Variants in TRPM8 observed in about 807,000 individuals in gnomAD.
The protein encoded by TRPM8 is transient receptor potential cation channel subfamily M member 8.
A neutral mutation model predicts 133.7 loss-of-function variants in TRPM8; 110 were observed. The ratio of observed to expected loss-of-function variants is 0.82; its 90% confidence interval spans 0.70 to 0.96. The LOEUF is 0.96. Among genes scored for constraint, TRPM8 ranks in the 40% least tolerant of loss-of-function variants. The pLI is 0.00. For synonymous variants in TRPM8, 535 were observed against 532.3 expected, an observed-to-expected ratio of 1.01 and a Z score of -0.07; for missense variants, 1,291 against 1,379.5, an observed-to-expected ratio of 0.94 and a Z score of 1.02.
At chr2:233,938,924 T>G in intron 4 of TRPM8, 74 bp from the exon 5 acceptor site, 1 of 1,510,834 alleles carries the variant, frequency 6.6e-7, no homozygotes, top group Non-Finnish European at 9.0e-7. Context: ...GGCTTGGAAG[T>G]TGGGAGGGAA....
At position 233,934,052 on chromosome 2, in the gene TRPM8, A is replaced by G. The variant is rs879851689; in HGVS notation, c.192-3301A>G. On this transcript the variant is annotated intron_variant, in intron 3 of 25. Coordinates refer to ENST00000324695, the MANE Select transcript of TRPM8 (RefSeq NM_024080.5). ...AAATGCCTTGAGAAATATTTGGAATAGGAATCATTTCCATACTGTGTGGTA... is the reference window on the plus strand; with the variant it reads ...AAATGCCTTGAGAAATATTTGGAATGGGAATCATTTCCATACTGTGTGGTA... 2.4e-5 allele frequency: 4 copies of G among 167,088 alleles called. No individual in the cohort carries two copies. In the Admixed American group the frequency reaches 2.6e-4, roughly 11 times the overall value. 10.4% of individuals were successfully genotyped at this position (167,088 alleles called of 1,614,324 possible). A position where few individuals can be genotyped will look rare whatever the true frequency, so the allele number is the denominator to read the frequency against.
At chr2:234,005,872 G>C (rs1349152643) in intron 22 of TRPM8, among the ~76,000 whole-genome samples, 1 of 150,936 alleles carries the variant, frequency 6.6e-6, no homozygotes, top group Non-Finnish European at 1.5e-5. Context: ...AGGTTGCAGT[G>C]AGCCGAGATT....
chr2:234,002,447 A>G (rs149885556), intron 22 of TRPM8, among the ~76,000 whole-genome samples: 2 of 152,214 alleles, frequency 1.3e-5, no homozygotes, highest in African/African-American at 4.8e-5. Flanking sequence ...AAATGGTGAC[A>G]TGAACCATGA....
chr2:233,923,708 G>A (rs1348039068), intron 1 of TRPM8, among the ~76,000 whole-genome samples: 13 of 152,190 alleles, frequency 8.5e-5, no homozygotes, highest in Non-Finnish European at 1.9e-4. Context: ...CATGGGTCTT[G>A]AGACTTCTAG....
chr2:233,977,334 G>A (rs1334678597), intron 17 of TRPM8, among the ~76,000 whole-genome samples: 2 of 152,222 alleles, frequency 1.3e-5, no homozygotes, highest in African/African-American at 4.8e-5. Context: ...TATGAATACA[G>A]CTTATCCCAG....
In TRPM8 at chr2:233,969,934, T is replaced by C. The variant is rs1691667401; in HGVS notation, c.2138+127T>C. The C allele has an allele frequency of 1.6e-5, 12 of 772,088 alleles. No homozygotes were observed. The East Asian group carries it at 2.7e-4, about 18-fold the overall frequency. 47.8% of individuals were successfully genotyped at this position (772,088 alleles called of 1,614,324 possible). A position where few individuals can be genotyped will look rare whatever the true frequency, so the allele number is the denominator to read the frequency against. Reference sequence around the variant, plus strand: ...CTTATGATGTTTACATTGTTGCCTATGAATTTGGTCTTGTTTCTCCCCTGA... The same window carrying C: ...CTTATGATGTTTACATTGTTGCCTACGAATTTGGTCTTGTTTCTCCCCTGA... On this transcript the variant is annotated intron_variant, in intron 16 of 25. Coordinates refer to ENST00000324695, the MANE Select transcript of TRPM8 (RefSeq NM_024080.5).
In TRPM8 at chr2:233,966,715, A is replaced by G. The variant is rs74589110; in HGVS notation, c.1985A>G (p.Glu662Gly). The change falls in exon 15 of 26, where the codon GAG becomes GGG. Residue 662 changes from glutamate to glycine, a missense_variant. By Grantham distance (98) the Glu-to-Gly change is moderately conservative. Coordinates refer to ENST00000324695, the MANE Select transcript of TRPM8 (RefSeq NM_024080.5). ...GGSNCLELAV[E>G]ATDQHFIAQP... ...AGCAACTGTCTGGAGCTGGCGGTGGAGGCCACAGACCAGCATTTCATCGCC... is the reference window on the plus strand; with the variant it reads ...AGCAACTGTCTGGAGCTGGCGGTGGGGGCCACAGACCAGCATTTCATCGCC... 5.0e-6 allele frequency: 8 copies of G among 1,609,400 alleles called. No homozygotes were observed. The highest frequency in any genetic ancestry group is 6.8e-6 in the Non-Finnish European group (8 of 1,176,848).
chr2:234,006,853 G>T lies in TRPM8; in HGVS notation c.3131G>T (p.Cys1044Phe). The T allele has an allele frequency of 6.2e-7, 1 of 1,607,822 alleles. No individual in the cohort carries two copies. Among genetic ancestry groups the T allele is most frequent in the Non-Finnish European group, 8.5e-7 (1 of 1,174,912 alleles). Residue 1044 changes from cysteine to phenylalanine, a missense_variant and splice_region_variant, in exon 23 of 26, where the codon TGT becomes TTT. Physicochemically the swap from Cys to Phe is radical, Grantham distance 205. Transcript: ENST00000324695. ...TGTTTTCTTTTTCTCATTATTCAAG[G>T]TTTCAAAAATGAAGACAATGAGACT... ...KEKNMESSVC[C>F]FKNEDNETLA...
intron 14 of TRPM8, 132 bp from the exon 15 acceptor site, chr2:233,966,478 T>C: frequency 1.8e-6 from 2 of 1,119,470 alleles, no homozygotes; most frequent in Non-Finnish European, 2.6e-6. Context: ...TGGCATTTTC[T>C]ATGCCTTTTG....
At chr2:233,971,277 G>A (rs1180073644) in intron 17 of TRPM8, among the ~76,000 whole-genome samples, 2 of 152,200 alleles carry the variant, frequency 1.3e-5, no homozygotes, top group Non-Finnish European at 2.9e-5. Context: ...CCCTTACAGA[G>A]TCACTGACTC....
chr2:233,927,771 TTTCTTTCTTTCTTTCTTTCTTTTCTTTCC>T lies in TRPM8; in HGVS notation c.117+1121_117+1149del, dbSNP rs1559516081. On this transcript the variant is annotated intron_variant, in intron 2 of 25. Transcript: ENST00000324695. ...CTTTCTTTCTTTCTTTCTTTCTTTC[TTTCTTTCTTTCTTTCTTTCTTTTCTTTCC>T]TTCCTTCCTTCCTTCCTTCCTTCCT... Among the ~76,000 whole-genome samples the T allele has an allele frequency of 2.0e-3, 121 of 61,640 alleles. 18 individuals carry two copies. Among genetic ancestry groups the T allele is most frequent in the African/African-American group, 0.018 (88 of 4,786 alleles). 40.4% of individuals were successfully genotyped at this position (61,640 alleles called of 152,430 possible).
chr2:233,991,552 G>T (rs534847522), intron 21 of TRPM8, among the ~76,000 whole-genome samples: 1 of 152,186 alleles, frequency 6.6e-6, no homozygotes, highest in African/African-American at 2.4e-5. Flanking sequence ...TGAAATCTAC[G>T]CAAAGTTTGG....
At chr2:233,985,639 C>T (rs745924243) in intron 20 of TRPM8, 49 bp from the exon 21 acceptor site, 3 of 1,571,786 alleles carry the variant, frequency 1.9e-6, no homozygotes, top group South Asian at 2.2e-5. Context: ...CCATCGCTCT[C>T]ACCCCTCCAG....
chr2:233,965,793 T>G (rs1691553111), intron 14 of TRPM8, among the ~76,000 whole-genome samples: 1 of 152,228 alleles, frequency 6.6e-6, no homozygotes, highest in South Asian at 2.1e-4. Flanking sequence ...CACTGCAATT[T>G]CTTTGTCATT....
chr2:233,928,833 G>A (rs1399708110), intron 2 of TRPM8, among the ~76,000 whole-genome samples: 2 of 152,056 alleles, frequency 1.3e-5, no homozygotes, highest in Non-Finnish European at 2.9e-5. Flanking sequence ...TCCTGTCAGA[G>A]GTTATAACCA....
intron 24 of TRPM8, among the ~76,000 whole-genome samples, chr2:234,014,234 A>G (rs997028796): frequency 6.6e-6 from 1 of 152,210 alleles, no homozygotes; most frequent in Non-Finnish European, 1.5e-5. Context: ...TTAGTTACAT[A>G]GAACATTATT....
At chr2:233,961,127 A>G in intron 12 of TRPM8, 61 bp downstream of exon 12, 2 of 1,525,320 alleles carry the variant, frequency 1.3e-6, no homozygotes, top group African/African-American at 1.4e-5. Flanking sequence ...CCCTCATAAG[A>G]TATCTCCATT....
chr2:233,984,682 C>T (rs1186565179), intron 20 of TRPM8, among the ~76,000 whole-genome samples: 3 of 152,164 alleles, frequency 2.0e-5, no homozygotes, highest in Non-Finnish European at 4.4e-5. Context: ...CCCCTCGAGC[C>T]CCTTCTGATC....
intron 22 of TRPM8, among the ~76,000 whole-genome samples, chr2:234,001,330 A>G (rs1183930252): frequency 2.6e-5 from 4 of 152,130 alleles, no homozygotes; most frequent in African/African-American, 4.8e-5. Flanking sequence ...AAAATATTCA[A>G]TATGCCGTGG....
Sources: allele counts gnomAD v4.1 joint callset (sites outside exome capture counted in the v4.1 genomes callset), GRCh38; gene constraint gnomAD v4.1.1; transcripts MANE v1.5; gene names NCBI Gene and HGNC (gene_info 2026-07-23, HGNC 2026-07-21).